Variants in ATP11C observed in about 807,000 individuals in gnomAD.
The protein encoded by ATP11C is ATPase phospholipid transporting 11C (ATP11C blood group).
In ATP11C, 36 loss-of-function variants were observed where a neutral mutation model predicts 97.4. The ratio of observed to expected loss-of-function variants is 0.37; its 90% CI spans 0.28 to 0.49. The LOEUF (loss-of-function observed/expected upper bound fraction) is 0.49, where lower values mean the gene tolerates loss of function less well. Among genes scored for constraint, ATP11C ranks in the 20% least tolerant of loss-of-function variants. The pLI is 0.98. For missense variants in ATP11C, 730 were observed against 824.6 expected (o/e 0.89, Z 1.40); for synonymous variants, 275 against 290.9 (o/e 0.95, Z 0.56).
chrX:139,847,894 C>T (rs938885059), intron 1 of ATP11C, among the ~76,000 whole-genome samples: 1 of 110,802 alleles, frequency 9.0e-6, no homozygotes, highest in Non-Finnish European at 1.9e-5. Flanking sequence ...TTCCTCTTGC[C>T]TCCCCCTTGC....
At chrX:139,803,006 G>A (rs1441629159) in intron 6 of ATP11C, among the ~76,000 whole-genome samples, 1 of 111,677 alleles carries the variant, frequency 9.0e-6, no homozygotes, top group East Asian at 2.8e-4. Context: ...ATCAAACAAG[G>A]GTTAAAGCAG....
At chrX:139,930,405 T>TA (rs2085415170) in intron 1 of ATP11C, among the ~76,000 whole-genome samples, 1 of 111,020 alleles carries the variant, frequency 9.0e-6, no homozygotes, top group Non-Finnish European at 1.9e-5. Context: ...AGTTTAATGA[T>TA]TTTATTATGA....
intron 24 of ATP11C, among the ~76,000 whole-genome samples, chrX:139,747,112 A>G (rs1425461396): frequency 2.7e-5 from 3 of 111,088 alleles, no homozygotes; most frequent in Admixed American, 9.6e-5. Flanking sequence ...CTTCCCAGAA[A>G]CAAGCTCTCC....
chrX:139,888,996 T>C lies in ATP11C; in HGVS notation c.27+43020A>G, dbSNP rs750202662. On this transcript the variant is annotated intron_variant, in intron 1 of 29. Coordinates refer to ENST00000682941, the MANE Select transcript of ATP11C (RefSeq NM_001353812.2). ...ATAATTTTTATATTTTTAGTAGAGA[T>C]GGGGTTTCACCATTTTGGCCAGGCT... 2.7e-5 allele frequency among the ~76,000 whole-genome samples: 3 copies of C among 110,986 alleles called. No individual in the cohort carries two copies. The South Asian group carries it at 1.1e-3, about 43-fold the overall frequency.
chrX:139,822,573 C>G, intron 2 of ATP11C, among the ~76,000 whole-genome samples: 1 of 110,918 alleles, frequency 9.0e-6, no homozygotes, highest in South Asian at 3.9e-4. Context: ...GCCAACACAC[C>G]CGGCTAATTT....
chrX:139,925,912 C>G (rs1302550118), intron 1 of ATP11C, among the ~76,000 whole-genome samples: 2 of 111,661 alleles, frequency 1.8e-5, no homozygotes, highest in African/African-American at 6.5e-5. Flanking sequence ...CTTCTATTAT[C>G]AAGAAGTCAG....
At chrX:139,861,052 G>A (rs988551148) in intron 1 of ATP11C, among the ~76,000 whole-genome samples, 22 of 111,882 alleles carry the variant, frequency 2.0e-4, no homozygotes, top group Non-Finnish European at 3.8e-5. Flanking sequence ...GGACCAGAGA[G>A]GAAGAAGTAG....
chrX:139,733,863 G>C (rs2081393626), intron 28 of ATP11C, among the ~76,000 whole-genome samples: 1 of 111,672 alleles, frequency 9.0e-6, no homozygotes, highest in Non-Finnish European at 1.9e-5. Context: ...TAGATTAGGT[G>C]TTAAAACTAC....
chrX:139,912,027 CAGCCA>C (rs1001683021), intron 1 of ATP11C, among the ~76,000 whole-genome samples: 1 of 107,975 alleles, frequency 9.3e-6, no homozygotes, highest in Admixed American at 1.0e-4. Flanking sequence ...ATACAAAAAT[CAGCCA>C]AGCATGGTGG....
At chrX:139,901,910 ATT>A (rs1186517297) in intron 1 of ATP11C, among the ~76,000 whole-genome samples, 1 of 108,884 alleles carries the variant, frequency 9.2e-6, no homozygotes, top group Non-Finnish European at 1.9e-5. Context: ...TCCCTGATAG[ATT>A]TTTTTTTCCT....
At chrX:139,831,002 G>T (rs2083636730) in intron 1 of ATP11C, among the ~76,000 whole-genome samples, 2 of 111,173 alleles carry the variant, frequency 1.8e-5, no homozygotes, top group Non-Finnish European at 3.8e-5. Context: ...AATGTATTCG[G>T]TGGTCAAATT....
At chrX:139,919,991 A>C (rs1444912398) in intron 1 of ATP11C, among the ~76,000 whole-genome samples, 1 of 112,052 alleles carries the variant, frequency 8.9e-6, no homozygotes, top group Non-Finnish European at 1.9e-5. Flanking sequence ...AAGTGCGAAC[A>C]ACCCAAATGT....
chrX:139,804,656 C>T, intron 5 of ATP11C, 57 bp from the exon 6 acceptor site: 1 of 1,007,416 alleles, frequency 9.9e-7, no homozygotes, highest in Non-Finnish European at 1.3e-6. Flanking sequence ...ATTCATTACA[C>T]TCATACAAAA....
chrX:139,845,280 T>C (rs888976756), intron 1 of ATP11C, among the ~76,000 whole-genome samples: 2 of 112,120 alleles, frequency 1.8e-5, no homozygotes, highest in African/African-American at 6.5e-5. Flanking sequence ...TTTGATTTAG[T>C]GACCAGAGGG....
At chrX:139,796,238 T>C (rs370494317) in intron 12 of ATP11C, 35 bp downstream of exon 12, 12 of 1,047,136 alleles carry the variant, frequency 1.1e-5, no homozygotes, top group African/African-American at 1.1e-4. Flanking sequence ...TTTCACTACG[T>C]TGACAAATTA....
chrX:139,787,606 T>C (rs1440859561), intron 14 of ATP11C, among the ~76,000 whole-genome samples: 2 of 112,844 alleles, frequency 1.8e-5, no homozygotes, highest in Non-Finnish European at 3.7e-5. Flanking sequence ...TCTAGAATGA[T>C]TACTTTCAAT....
chrX:139,820,575 A>C lies in ATP11C; in HGVS notation c.148-1148T>G, dbSNP rs768627960. ...TTCCATGACAGCTGGGAAGGTGTAT[A>C]CACAACCCTGGGCCATGGAGGGCTT... On this transcript the variant is annotated intron_variant, in intron 2 of 29. Coordinates refer to ENST00000682941, the MANE Select transcript of ATP11C (RefSeq NM_001353812.2). 3.4e-3 allele frequency among the ~76,000 whole-genome samples: 372 copies of C among 110,069 alleles called. 3 individuals are homozygous for C. The highest frequency in any genetic ancestry group is 0.012 in the African/African-American group (352 of 30,238).
At chrX:139,803,112 T>C (rs963819889) in intron 6 of ATP11C, among the ~76,000 whole-genome samples, 2 of 111,735 alleles carry the variant, frequency 1.8e-5, no homozygotes, top group Non-Finnish European at 3.8e-5. Flanking sequence ...TAAAACTATC[T>C]CCTGATTTTG....
chrX:139,822,241 G>C (rs1342013374), intron 2 of ATP11C, among the ~76,000 whole-genome samples: 2 of 112,320 alleles, frequency 1.8e-5, no homozygotes, highest in Non-Finnish European at 3.8e-5. Context: ...CTGTCACCCA[G>C]GCTGGAGTGC....
Sources: gnomAD v4.1 joint callset for allele counts (sites outside exome capture counted in the v4.1 genomes callset) on GRCh38, gnomAD v4.1.1 for gene constraint, MANE v1.5 for transcripts, NCBI Gene and HGNC (gene_info 2026-07-23, HGNC 2026-07-21) for gene names.